Variants in PDE6D observed in about 807,000 individuals in gnomAD.
PDE6D encodes the protein phosphodiesterase 6D.
In PDE6D, 10 loss-of-function variants were observed where a neutral mutation model predicts 21.9. That is an observed-to-expected ratio of 0.46 (90% CI 0.28 to 0.78). PDE6D has a LOEUF of 0.78. Among genes scored for constraint, PDE6D ranks in the 30% least tolerant of loss-of-function variants. The probability of loss-of-function intolerance (pLI) is 0.12; values close to 1 mark genes in which losing one functional copy is unlikely to be tolerated. For missense variants in PDE6D, 139 were observed against 184.8 expected, an observed-to-expected ratio of 0.75 and a Z score of 1.44; for synonymous variants, 59 against 63.5, an observed-to-expected ratio of 0.93 and a Z score of 0.34.
chr2:231,743,356 G>C (rs114124933), intron 1 of PDE6D, among the ~76,000 whole-genome samples: 1 of 150,448 alleles, frequency 6.6e-6, no homozygotes, highest in African/African-American at 2.5e-5. Context: ...CAGAGGAGGC[G>C]GAGGTTGCAG....
At chr2:231,744,007 G>A (rs1019693459) in intron 1 of PDE6D, among the ~76,000 whole-genome samples, 4 of 152,188 alleles carry the variant, frequency 2.6e-5, no homozygotes, top group Non-Finnish European at 5.9e-5. Flanking sequence ...AGTGTCCTAT[G>A]TACCCACTAC....
chr2:231,776,679 C>G (rs2049060428), intron 1 of PDE6D, among the ~76,000 whole-genome samples: 1 of 152,180 alleles, frequency 6.6e-6, no homozygotes, highest in African/African-American at 2.4e-5. Flanking sequence ...TTGTATCCTT[C>G]AAGTGTAGAG....
intron 1 of PDE6D, among the ~76,000 whole-genome samples, chr2:231,753,308 G>T (rs2048857109): frequency 6.6e-6 from 1 of 151,162 alleles, no homozygotes; most frequent in Non-Finnish European, 1.5e-5. Flanking sequence ...CGGATCACGA[G>T]GTCAGGAGAT....
chr2:231,737,463 T>A (rs3748922), intron 3 of PDE6D, 171 bp from the exon 4 acceptor site: 108,263 of 551,808 alleles, frequency 0.2, 11,831 homozygotes, highest in Non-Finnish European at 0.23. Flanking sequence ...CTGCTCAGGT[T>A]GTCCTCTGAA....
chr2:231,770,417 G>T (rs2049005492), intron 1 of PDE6D, among the ~76,000 whole-genome samples: 1 of 151,734 alleles, frequency 6.6e-6, no homozygotes, highest in Admixed American at 6.6e-5. Flanking sequence ...GCTAAACCCT[G>T]GCCCCTGTAT....
rs571219517 is a variant in PDE6D, at chr2:231,751,151, T to A, written c.51-11963A>T. Among the ~76,000 whole-genome samples the A allele has an allele frequency of 2.8e-4, 42 of 152,192 alleles. 1 individual carries two copies. The South Asian group carries it at 8.7e-3, about 32-fold the overall frequency. On this transcript the variant is annotated intron_variant, in intron 1 of 4. Coordinates refer to ENST00000287600, the MANE Select transcript of PDE6D (RefSeq NM_002601.4). ...TTTTTTTAAAAATAAACATTTATTT[T>A]AGAATAGTTTTTTTCTTTTTTTTGA... is the stretch of plus-strand genomic sequence containing the variant.
chr2:231,771,225 T>C (rs2049013304), intron 1 of PDE6D, among the ~76,000 whole-genome samples: 1 of 151,972 alleles, frequency 6.6e-6, no homozygotes, highest in Non-Finnish European at 1.5e-5. Context: ...CACTTAGGCC[T>C]CCCAAAGTGC....
chr2:231,738,058 AT>A lies in PDE6D; in HGVS notation c.219del (p.Lys73AsnfsTer15). ...LNFSSTEQME[K>X]FRLEQKVYFK... Reference sequence around the variant, plus strand: ...AAGTAAACTTTTTGTTCCAGGCGGAATTTTTCCATTTGTTCTGTCGAAGAAA... The same window carrying A: ...AAGTAAACTTTTTGTTCCAGGCGGAATTTTCCATTTGTTCTGTCGAAGAAA... On this transcript the variant is annotated frameshift_variant, in exon 3 of 5. Transcript: ENST00000287600. LOFTEE classifies it high-confidence loss of function. 6.2e-7 allele frequency: 1 copy of A among 1,614,012 alleles called. No individual in the cohort carries two copies. Among genetic ancestry groups the A allele is most frequent in the Non-Finnish European group, 8.5e-7 (1 of 1,179,940 alleles).
intron 1 of PDE6D, among the ~76,000 whole-genome samples, chr2:231,741,944 G>C (rs1242477339): frequency 6.6e-6 from 1 of 152,186 alleles, no homozygotes; most frequent in Admixed American, 6.5e-5. Flanking sequence ...TTCCGTAGTG[G>C]AAAGTGGATA....
chr2:231,749,556 A>G (rs549964431), intron 1 of PDE6D, among the ~76,000 whole-genome samples: 126 of 133,162 alleles, frequency 9.5e-4, no homozygotes, highest in African/African-American at 3.5e-3. Context: ...TTTTTTTGAG[A>G]TGGAGTCTCA....
intron 1 of PDE6D, among the ~76,000 whole-genome samples, chr2:231,751,689 C>A (rs567537281): frequency 6.6e-6 from 1 of 152,156 alleles, no homozygotes; most frequent in African/African-American, 2.4e-5. Context: ...TAATGTTTTT[C>A]TTATTATTAG....
At chr2:231,741,505 C>T (rs980431826) in intron 1 of PDE6D, among the ~76,000 whole-genome samples, 7 of 152,110 alleles carry the variant, frequency 4.6e-5, no homozygotes, top group African/African-American at 1.7e-4. Flanking sequence ...AGGAAGATCC[C>T]AAGACAATAG....
intron 1 of PDE6D, among the ~76,000 whole-genome samples, chr2:231,768,434 A>C (rs2048989612): frequency 6.6e-6 from 1 of 152,104 alleles, no homozygotes; most frequent in South Asian, 2.1e-4. Flanking sequence ...TCTGTCGTAC[A>C]TGCTGGAGTG....
intron 1 of PDE6D, among the ~76,000 whole-genome samples, chr2:231,748,272 C>A (rs1175321407): frequency 6.6e-6 from 1 of 152,142 alleles, no homozygotes; most frequent in African/African-American, 2.4e-5. Flanking sequence ...CAATAAAATT[C>A]AGATGGAGAT....
chr2:231,769,841 C>A (rs745959690), intron 1 of PDE6D, among the ~76,000 whole-genome samples: 3 of 152,140 alleles, frequency 2.0e-5, no homozygotes, highest in Non-Finnish European at 4.4e-5. Context: ...ACTTAAGGGG[C>A]CTTTGAAACA....
At chr2:231,733,089 AT>A (rs746056974) in intron 4 of PDE6D, 56 bp from the exon 5 acceptor site, 1 of 1,192,546 alleles carries the variant, frequency 8.4e-7, no homozygotes, top group Non-Finnish European at 1.3e-6. Context: ...TAGGCACAAG[AT>A]TTCATTTCCA....
intron 1 of PDE6D, among the ~76,000 whole-genome samples, chr2:231,751,084 G>A (rs1186107260): frequency 6.6e-6 from 1 of 151,320 alleles, no homozygotes; most frequent in Non-Finnish European, 1.5e-5. Flanking sequence ...AATTCACCAA[G>A]AAATAAATTG....
At chr2:231,740,666 G>A (rs1407018401) in intron 1 of PDE6D, among the ~76,000 whole-genome samples, 16 of 142,262 alleles carry the variant, frequency 1.1e-4, no homozygotes, top group Non-Finnish European at 7.5e-5. Context: ...GGGCGACAGA[G>A]GGAGACCCTG....
At chr2:231,771,534 T>C (rs528793866) in intron 1 of PDE6D, among the ~76,000 whole-genome samples, 5 of 152,336 alleles carry the variant, frequency 3.3e-5, no homozygotes, top group Non-Finnish European at 5.9e-5. Context: ...CAGTATAGAA[T>C]TATGAGATAT....
Sources: gnomAD v4.1 joint callset for allele counts (sites outside exome capture counted in the v4.1 genomes callset) on GRCh38, gnomAD v4.1.1 for gene constraint, MANE v1.5 for transcripts, NCBI Gene and HGNC (gene_info 2026-07-23, HGNC 2026-07-21) for gene names.